Variants in MYBPC1 observed in about 807,000 individuals in gnomAD.
The protein encoded by MYBPC1 is myosin binding protein C1, also known as myosin-binding protein C, slow-type.
MYBPC1 carries 52 observed loss-of-function variants against 147.1 expected under a neutral mutation model. That is an observed-to-expected ratio of 0.35 (90% CI 0.28 to 0.45). The LOEUF is 0.45. Ranked by LOEUF, MYBPC1 falls within the 20% of genes least tolerant of loss-of-function variation. MYBPC1 has a pLI of 1.00. For missense variants in MYBPC1, 1,228 were observed against 1,440.3 expected (o/e 0.85, Z 2.39); for synonymous variants, 477 against 475.9 (o/e 1.00, Z -0.03).
rs112788142 is a variant in MYBPC1, at chr12:101,632,147, G to A, written c.556+9G>A. On this transcript the variant is annotated intron_variant, in intron 8 of 31. Coordinates refer to ENST00000361466, the MANE Select transcript of MYBPC1 (RefSeq NM_002465.4). ...TGATCTTGAAGTGCACGGTAAGAGA[G>A]CCTTCTTGCCTAGATAAATGTAATT... The A allele has an allele frequency of 2.8e-3, 4,325 of 1,566,610 alleles. 112 individuals carry two copies. In the African/African-American group the frequency reaches 0.051, roughly 19 times the overall value.
intron 1 of MYBPC1, among the ~76,000 whole-genome samples, chr12:101,609,479 C>A (rs557711116): frequency 2.0e-4 from 30 of 151,914 alleles, no homozygotes; most frequent in African/African-American, 6.3e-4. Context: ...GACAGGATTT[C>A]ATTACGTTGC....
intron 7 of MYBPC1, 79 bp downstream of exon 7, chr12:101,631,798 G>C: frequency 1.9e-6 from 3 of 1,594,632 alleles, no homozygotes; most frequent in Non-Finnish European, 2.6e-6. Flanking sequence ...TTCAGGTTCA[G>C]CTTTGAGAGA....
In MYBPC1 at chr12:101,666,731, C is replaced by T. The variant is rs777509179; in HGVS notation, c.2357-1001C>T. ...GGGTGTCTTTAATTAATTTTAATGACGGATTCTCAAAGGTACATCAGCAAA... is the reference window on the plus strand; with the variant it reads ...GGGTGTCTTTAATTAATTTTAATGATGGATTCTCAAAGGTACATCAGCAAA... On this transcript the variant is annotated intron_variant, in intron 22 of 31. Transcript: ENST00000361466. 1.8e-5 allele frequency: 29 copies of T among 1,611,256 alleles called. No homozygotes were observed. In the South Asian group the frequency reaches 2.0e-4, roughly 11 times the overall value.
chr12:101,676,199 G>A (rs1202649399), intron 26 of MYBPC1, among the ~76,000 whole-genome samples: 2 of 152,064 alleles, frequency 1.3e-5, no homozygotes, highest in Non-Finnish European at 2.9e-5. Flanking sequence ...GGCTTAATGT[G>A]TTTAAAAAGC....
At chr12:101,646,648 C>A (rs780537705) in intron 12 of MYBPC1, 115 bp from the exon 13 acceptor site, 22 of 1,237,686 alleles carry the variant, frequency 1.8e-5, no homozygotes, top group South Asian at 1.5e-4. Flanking sequence ...CAAAAAAAAA[C>A]AACAGATCCT....
chr12:101,668,336 G>A (rs1478890004), intron 23 of MYBPC1, among the ~76,000 whole-genome samples: 1 of 152,142 alleles, frequency 6.6e-6, no homozygotes, highest in African/African-American at 2.4e-5. Flanking sequence ...AAATGAAGGT[G>A]AGTAAAACTG....
intron 23 of MYBPC1, 83 bp downstream of exon 23, chr12:101,667,982 C>A: frequency 6.8e-7 from 1 of 1,477,026 alleles, no homozygotes; most frequent in Non-Finnish European, 9.2e-7. Context: ...TTTCTCAAAA[C>A]CTCCTATTTT....
At chr12:101,693,096 A>G in the MYBPC1 span, among the ~76,000 whole-genome samples, 1,785 of 151,782 alleles carry the variant, frequency 0.012, 43 homozygotes, top group East Asian at 0.055. Flanking sequence ...ACAGGTGCCC[A>G]CCACCACGCG....
the MYBPC1 span, among the ~76,000 whole-genome samples, chr12:101,691,061 G>A: frequency 1.3e-5 from 2 of 152,000 alleles, no homozygotes; most frequent in Non-Finnish European, 2.9e-5. Context: ...CTAGCCAGGT[G>A]ATTTATTTAC....
chr12:101,646,855 A>C lies in MYBPC1; in HGVS notation c.1058A>C (p.Asp353Ala). ...TCAGAGTATTATGTGACAGCCGGTG[A>C]TGAGAAATGTTCCACTGAGCTCTTC... Reference protein sequence around the residue: ...DDSEYYVTAGDEKCSTELFVR... With the variant: ...DDSEYYVTAGAEKCSTELFVR... The change falls in exon 13 of 32, where the codon GAT becomes GCT. Residue 353 changes from aspartate (D) to alanine (A), a missense_variant. By Grantham distance (126) the Asp-to-Ala change is moderately radical (BLOSUM62 -2). Transcript: ENST00000361466. 6.2e-7 allele frequency: 1 copy of C among 1,614,192 alleles called. No homozygotes were observed. Among genetic ancestry groups the C allele is most frequent in the Non-Finnish European group, 8.5e-7 (1 of 1,180,008 alleles).
chr12:101,615,707 G>T (rs1253942787), intron 2 of MYBPC1, among the ~76,000 whole-genome samples: 1 of 116,652 alleles, frequency 8.6e-6, no homozygotes, highest in Non-Finnish European at 1.6e-5. Context: ...GATTACTTGT[G>T]AGTTGCTTAA....
At chr12:101,625,105 A>G (rs966691652) in intron 3 of MYBPC1, among the ~76,000 whole-genome samples, 1 of 152,110 alleles carries the variant, frequency 6.6e-6, no homozygotes, top group Non-Finnish European at 1.5e-5. Flanking sequence ...AAGTCTGACC[A>G]TACATCACTG....
chr12:101,677,766 A>G (rs1420996930), intron 27 of MYBPC1, among the ~76,000 whole-genome samples: 1 of 152,160 alleles, frequency 6.6e-6, no homozygotes, highest in Non-Finnish European at 1.5e-5. Flanking sequence ...ACTAAATTCT[A>G]TCCTTATCTT....
intron 1 of MYBPC1, among the ~76,000 whole-genome samples, chr12:101,597,622 G>A (rs535368925): frequency 2.0e-5 from 3 of 152,278 alleles, no homozygotes; most frequent in East Asian, 1.9e-4. Context: ...ATTAGTCAAC[G>A]GTCCTTGTTT....
chr12:101,673,633 A>G lies in MYBPC1; in HGVS notation c.2809+11A>G, dbSNP rs376320836. 2 of 1,614,136 alleles carry G rather than the reference A, an allele frequency of 1.2e-6. No individual in the cohort carries two copies. Among genetic ancestry groups the G allele is most frequent in the Non-Finnish European group, 1.7e-6 (2 of 1,179,994 alleles). ...ACATCCAGATCATTGGTAGGTTTAG[A>G]TGAAGGAGCCAGAAAGTTCTGTCAA... On this transcript the variant is annotated intron_variant, in intron 25 of 31. Transcript: ENST00000361466.
intron 9 of MYBPC1, among the ~76,000 whole-genome samples, chr12:101,635,192 G>T (rs902628280): frequency 1.3e-5 from 2 of 152,030 alleles, no homozygotes; most frequent in African/African-American, 4.8e-5. Context: ...AATGGAGGGG[G>T]GGCGGTCAAG....
rs1189921838 is a variant in MYBPC1, at chr12:101,659,811, G to A, written c.1907G>A (p.Ser636Asn). Residue 636 changes from serine (S) to asparagine (N), a missense_variant, in exon 19 of 32, where the codon AGC becomes AAC. By Grantham distance (46) the Ser-to-Asn change is conservative. This residue lies in a region of MYBPC1 where 1,077 missense variants were observed against 1,314.2 expected (regional missense o/e 0.82). Coordinates refer to ENST00000361466, the MANE Select transcript of MYBPC1 (RefSeq NM_002465.4). ...LKNEAGEAHASIKVKVVDFPD... is the reference protein window; with the variant it reads ...LKNEAGEAHANIKVKVVDFPD... ...AACGAAGCTGGAGAGGCACATGCAA[G>A]CATCAAGGTTAAAGTTGTGGGTAAG... The A allele has an allele frequency of 6.2e-7, 1 of 1,614,112 alleles. No individual in the cohort carries two copies. Among genetic ancestry groups the A allele is most frequent in the Admixed American group, 1.7e-5 (1 of 60,026 alleles).
At chr12:101,595,188 G>C in intron 1 of MYBPC1, 93 bp downstream of exon 1, 1 of 1,123,784 alleles carries the variant, frequency 8.9e-7, no homozygotes, top group African/African-American at 1.5e-5. Flanking sequence ...ATCTTAACTA[G>C]ATGAGAAAAT....
chr12:101,691,260 C>T, the MYBPC1 span, among the ~76,000 whole-genome samples: 1 of 152,122 alleles, frequency 6.6e-6, no homozygotes, highest in African/African-American at 2.4e-5. Flanking sequence ...TTAGTAGCGA[C>T]TGGGCTTCAC....
Sources: gnomAD v4.1 joint callset for allele counts (sites outside exome capture counted in the v4.1 genomes callset) on GRCh38, gnomAD v4.1.1 for gene constraint, gnomAD v4.1.1 regional missense constraint, MANE v1.5 for transcripts, NCBI Gene and HGNC (gene_info 2026-07-23, HGNC 2026-07-21) for gene names.